The following AK2 variants were observed in gnomAD, a reference collection of about 807,000 sequenced individuals.
The protein encoded by AK2 is adenylate kinase 2.
In AK2, 15 loss-of-function variants were observed where a neutral mutation model predicts 24.6. The ratio of observed to expected loss-of-function variants is 0.61; its 90% CI spans 0.41 to 0.94. The LOEUF is 0.94. Among genes scored for constraint, AK2 ranks in the 40% least tolerant of loss-of-function variants. The pLI, the probability that AK2 is intolerant of heterozygous loss-of-function variation, is 0.00. For missense variants in AK2, 257 were observed against 304.1 expected (o/e 0.85, Z 1.15); for synonymous variants, 102 against 114.0 (o/e 0.90, Z 0.67).
At position 33,009,744 on chromosome 1, in the gene AK2, C is replaced by CT; in HGVS notation, c.*3436dup. On this transcript the variant is annotated 3_prime_UTR_variant, in exon 6 of 6. Transcript: ENST00000672715. Reference sequence around the variant, plus strand: ...CCTTGTCTCTGGGCTCAAGAGAAGCCTGCATAGGAGCTGAAGGTCAAGAGG... The same window carrying CT: ...CCTTGTCTCTGGGCTCAAGAGAAGCCTTGCATAGGAGCTGAAGGTCAAGAGG... 1 of 454,236 alleles carries CT rather than the reference C, an allele frequency of 2.2e-6. No individual in the cohort carries two copies. Among genetic ancestry groups the CT allele is most frequent in the South Asian group, 1.6e-5 (1 of 64,468 alleles). The allele number at this position is 454,236 out of a possible 1,614,324, so 28.1% of individuals were successfully genotyped here. A position where few individuals can be genotyped will look rare whatever the true frequency, so the allele number is the denominator to read the frequency against.
In AK2 at chr1:33,012,168, G is replaced by C. The variant is rs1354375416; in HGVS notation, c.*1013C>G. Reference sequence around the variant, plus strand: ...CTGAATTCAAAAGGACCTTTCACCTGGTTTAATTCTCTGGCAACAATTCAG... The same window carrying C: ...CTGAATTCAAAAGGACCTTTCACCTCGTTTAATTCTCTGGCAACAATTCAG... On this transcript the variant is annotated 3_prime_UTR_variant, in exon 6 of 6. Coordinates refer to ENST00000672715, the MANE Select transcript of AK2 (RefSeq NM_001625.4). 5.2e-6 allele frequency: 8 copies of C among 1,535,272 alleles called. No individual in the cohort carries two copies. The highest frequency in any genetic ancestry group is 3.9e-5 in the Admixed American group (2 of 50,956).
In AK2 at chr1:33,012,381, C is replaced by G; in HGVS notation, c.*800G>C. On this transcript the variant is annotated 3_prime_UTR_variant, in exon 6 of 6. Transcript: ENST00000672715. ...TTAATGATCCCTGTTCACACACTGA[C>G]TCACGTGGGTTTTCATCATGGGTTA... The G allele has an allele frequency of 6.6e-7, 1 of 1,520,106 alleles. No individual in the cohort carries two copies. Among genetic ancestry groups the G allele is most frequent in the Non-Finnish European group, 8.8e-7 (1 of 1,138,744 alleles). 94.2% of individuals were successfully genotyped at this position (1,520,106 alleles called of 1,614,324 possible).
At position 33,012,160 on chromosome 1, in the gene AK2, T is replaced by C; in HGVS notation, c.*1021A>G. The C allele has an allele frequency of 6.5e-7, 1 of 1,535,456 alleles. No individual in the cohort carries two copies. Among genetic ancestry groups the C allele is most frequent in the Non-Finnish European group, 8.7e-7 (1 of 1,146,730 alleles). Reference sequence around the variant, plus strand: ...AAGACAATCTGAATTCAAAAGGACCTTTCACCTGGTTTAATTCTCTGGCAA... The same window carrying C: ...AAGACAATCTGAATTCAAAAGGACCCTTCACCTGGTTTAATTCTCTGGCAA... On this transcript the variant is annotated 3_prime_UTR_variant, in exon 6 of 6. Coordinates refer to ENST00000672715, the MANE Select transcript of AK2 (RefSeq NM_001625.4).
At chr1:33,028,647 T>G (rs138102396) in intron 1 of AK2, among the ~76,000 whole-genome samples, 1 of 152,152 alleles carries the variant, frequency 6.6e-6, no homozygotes, top group African/African-American at 2.4e-5. Flanking sequence ...CACTCAGTCA[T>G]AGTCTGTTGC....
At chr1:33,035,376 A>G (rs1388721856) in intron 1 of AK2, among the ~76,000 whole-genome samples, 2 of 152,200 alleles carry the variant, frequency 1.3e-5, no homozygotes, top group Non-Finnish European at 2.9e-5. Context: ...TAACCCCATC[A>G]AGGGCCAAGT....
At chr1:33,027,193 C>A (rs1163379905) in intron 1 of AK2, among the ~76,000 whole-genome samples, 1 of 152,214 alleles carries the variant, frequency 6.6e-6, no homozygotes, top group South Asian at 2.1e-4. Context: ...AATGAAAAAC[C>A]AGGCTGGCAC....
rs1638796956 is a variant in AK2, at chr1:33,011,172, C to A, written c.*2009G>T. The stretch of plus-strand genomic sequence containing the variant: ...GGATCATGCACATAAAATTAGCAAA[C>A]ATTCAAGAACCTCAACTTTGAGGCC... On this transcript the variant is annotated 3_prime_UTR_variant, in exon 6 of 6. Coordinates refer to ENST00000672715, the MANE Select transcript of AK2 (RefSeq NM_001625.4). The A allele has an allele frequency of 6.0e-6, 8 of 1,327,086 alleles. No homozygotes were observed. The highest frequency in any genetic ancestry group is 5.7e-5 in the Admixed American group (2 of 35,146). The allele number at this position is 1,327,086 out of a possible 1,614,324, so 82.2% of individuals were successfully genotyped here.
At position 33,013,418 on chromosome 1, in the gene AK2, C is replaced by T; in HGVS notation, c.499-16G>A. The T allele has an allele frequency of 6.2e-7, 1 of 1,610,380 alleles. No homozygotes were observed. Among genetic ancestry groups the T allele is most frequent in the Non-Finnish European group, 8.5e-7 (1 of 1,178,052 alleles). On this transcript the variant is annotated splice_polypyrimidine_tract_variant and intron_variant, in intron 5 of 5. Transcript: ENST00000672715. ...CCCCGGTGATCTGAGAACAGGAAGACAGCAATGAAAGGCTGGGACTGTTAG... is the reference window on the plus strand; with the variant it reads ...CCCCGGTGATCTGAGAACAGGAAGATAGCAATGAAAGGCTGGGACTGTTAG...
rs1475934277 is a variant in AK2 at position 33,024,437 on chromosome 1, C to T, written c.219+5G>A. The T allele has an allele frequency of 6.2e-7, 1 of 1,613,802 alleles. No homozygotes were observed. The highest frequency in any genetic ancestry group is 8.5e-7 in the Non-Finnish European group (1 of 1,180,012). ...ATCAACACTCATTGGTACCACCAAA[C>T]CTACCAGTTTCCCAGCATCCATAGT... On this transcript the variant is annotated splice_donor_5th_base_variant and intron_variant, in intron 2 of 5. Transcript: ENST00000672715.
In AK2 at chr1:33,035,595, C is replaced by T. The variant is rs142108443; in HGVS notation, c.93+1141G>A. 7.1e-3 allele frequency among the ~76,000 whole-genome samples: 1,076 copies of T among 152,310 alleles called. 17 individuals are homozygous for T. The highest frequency in any genetic ancestry group is 0.025 in the African/African-American group (1,020 of 41,562). ...GGGCCCCAGGTGCAATGCCAGACCC[C>T]AAGCAAGAAGGGGACATCAATAATC... is the stretch of plus-strand genomic sequence containing the variant. On this transcript the variant is annotated intron_variant, in intron 1 of 5. Coordinates refer to ENST00000672715, the MANE Select transcript of AK2 (RefSeq NM_001625.4).
downstream of AK2, chr1:33,007,967 A>G: frequency 4.4e-6 from 2 of 452,454 alleles, no homozygotes; most frequent in Non-Finnish European, 8.9e-6. Context: ...AATAAATGAG[A>G]TAATGCATGC....
At position 33,013,146 on chromosome 1, in the gene AK2, C is replaced by T. The variant is rs771662385; in HGVS notation, c.*35G>A. On this transcript the variant is annotated 3_prime_UTR_variant, in exon 6 of 6. Coordinates refer to ENST00000672715, the MANE Select transcript of AK2 (RefSeq NM_001625.4). ...CCTATCATTCCCACCCATTGCCTCA[C>T]AGGGATGGAAAGAAATTCCTTCTTG... 4.3e-6 allele frequency: 7 copies of T among 1,613,998 alleles called. No individual in the cohort carries two copies. In the South Asian group the frequency reaches 7.7e-5, roughly 18 times the overall value.
At position 33,010,881 on chromosome 1, in the gene AK2, C is replaced by T; in HGVS notation, c.*2300G>A. On this transcript the variant is annotated 3_prime_UTR_variant, in exon 6 of 6. Coordinates refer to ENST00000672715, the MANE Select transcript of AK2 (RefSeq NM_001625.4). ...GAGAACAAAATGGGTTTTTAAAAAC[C>T]AAGTACATATCAGAGGAGGCTGGCA... The T allele has an allele frequency of 6.2e-7, 1 of 1,613,366 alleles. No homozygotes were observed. The highest frequency in any genetic ancestry group is 8.5e-7 in the Non-Finnish European group (1 of 1,179,758).
Position 33,012,299 on chromosome 1 carries a change from G to C in AK2, c.*882C>G, listed in dbSNP as rs1170129228. ...CTTTTTATGACGATATCCTCTCCCA[G>C]TAATTTCTGTAACCTGCAAAGTAAG... On this transcript the variant is annotated 3_prime_UTR_variant, in exon 6 of 6. Coordinates refer to ENST00000672715, the MANE Select transcript of AK2 (RefSeq NM_001625.4). The C allele has an allele frequency of 2.6e-6, 4 of 1,532,964 alleles. No homozygotes were observed. Among genetic ancestry groups the C allele is most frequent in the Non-Finnish European group, 3.5e-6 (4 of 1,146,246 alleles). 95.0% of individuals were successfully genotyped at this position (1,532,964 alleles called of 1,614,324 possible). A position where few individuals can be genotyped will look rare whatever the true frequency, so the allele number is the denominator to read the frequency against.
chr1:33,024,167 T>TC (rs1639725292), intron 2 of AK2: 1 of 396,800 alleles, frequency 2.5e-6, no homozygotes. Flanking sequence ...CGAGACTTTG[T>TC]CAAAAAAAAA....
chr1:33,030,192 C>T (rs1429882792), intron 1 of AK2, among the ~76,000 whole-genome samples: 1 of 152,244 alleles, frequency 6.6e-6, no homozygotes, highest in Non-Finnish European at 1.5e-5. Flanking sequence ...ACAAGCTCCT[C>T]ACTCCACAGG....
chr1:33,027,747 CAAAAAA>C (rs1157782051), intron 1 of AK2, among the ~76,000 whole-genome samples: 12 of 62,094 alleles, frequency 1.9e-4, no homozygotes, highest in Non-Finnish European at 2.7e-4. Flanking sequence ...ACTCTTGTCT[CAAAAAA>C]AAAAAAAAAA....
intron 1 of AK2, among the ~76,000 whole-genome samples, chr1:33,025,585 A>C (rs1639829960): frequency 1.3e-5 from 2 of 152,246 alleles, no homozygotes; most frequent in Admixed American, 1.3e-4. Context: ...CTTACATACT[A>C]GTTTTAGGAG....
Position 33,012,090 on chromosome 1 carries a change from G to A in AK2, c.*1091C>T, listed in dbSNP as rs1195661390. On this transcript the variant is annotated 3_prime_UTR_variant, in exon 6 of 6. Transcript: ENST00000672715. ...TAAACCTACCCTGGTCTCTTTTTGG[G>A]GAAGTAGATTTGACTGCTCTCAGAT... 6.5e-7 allele frequency: 1 copy of A among 1,535,394 alleles called. No homozygotes were observed. Among genetic ancestry groups the A allele is most frequent in the Non-Finnish European group, 8.7e-7 (1 of 1,146,722 alleles).
Sources: gnomAD v4.1 joint callset for allele counts (sites outside exome capture counted in the v4.1 genomes callset) on GRCh38, gnomAD v4.1.1 for gene constraint, MANE v1.5 for transcripts, NCBI Gene and HGNC (gene_info 2026-07-23, HGNC 2026-07-21) for gene names.